The following HS3ST5 variants were observed in gnomAD, a reference collection of about 807,000 sequenced individuals.
The protein encoded by HS3ST5 is heparan sulfate glucosamine 3-O-sulfotransferase 5.
HS3ST5 carries 10 observed loss-of-function variants against 25.4 expected under a neutral mutation model. The ratio of observed to expected loss-of-function variants is 0.39; its 90% confidence interval spans 0.24 to 0.67. HS3ST5 has a LOEUF of 0.67. Ranked by LOEUF, HS3ST5 falls within the 30% of genes least tolerant of loss-of-function variation. HS3ST5 has a pLI of 0.44. For synonymous variants in HS3ST5, 170 were observed against 162.4 expected (o/e 1.05, Z -0.36); for missense variants, 324 against 420.7 (o/e 0.77, Z 2.01).
intron 3 of HS3ST5, among the ~76,000 whole-genome samples, chr6:114,075,297 G>A (rs1774057517): frequency 1.3e-5 from 2 of 152,188 alleles, no homozygotes; most frequent in African/African-American, 2.4e-5. Context: ...CGCTACAAAG[G>A]CAGGATCCGC....
intron 3 of HS3ST5, among the ~76,000 whole-genome samples, chr6:114,163,306 C>T (rs529508237): frequency 3.9e-5 from 6 of 152,158 alleles, no homozygotes; most frequent in African/African-American, 1.2e-4. Flanking sequence ...ACAAACTAGT[C>T]CATATTCGTC....
At chr6:114,230,472 T>C (rs935223079) in intron 1 of HS3ST5, 1 of 152,172 alleles carries the variant, frequency 6.6e-6, no homozygotes, top group South Asian at 2.1e-4. Flanking sequence ...TAAATATTTC[T>C]TCCTTAACTA....
intron 1 of HS3ST5, among the ~76,000 whole-genome samples, chr6:114,251,281 C>T (rs905259974): frequency 6.6e-6 from 1 of 152,080 alleles, no homozygotes; most frequent in Non-Finnish European, 1.5e-5. Flanking sequence ...ATATGTCGAA[C>T]AGATGAAAGA....
At chr6:114,187,221 C>A (rs1180808961) in intron 2 of HS3ST5, among the ~76,000 whole-genome samples, 1 of 152,166 alleles carries the variant, frequency 6.6e-6, no homozygotes, top group Non-Finnish European at 1.5e-5. Context: ...AAATACATTT[C>A]ATAAGGCTAT....
intron 2 of HS3ST5, among the ~76,000 whole-genome samples, chr6:114,226,715 G>A (rs1196669776): frequency 3.9e-5 from 6 of 151,944 alleles, no homozygotes; most frequent in South Asian, 2.1e-4. Flanking sequence ...TGCTTCCTGC[G>A]TATTGAGACT....
chr6:114,100,553 T>C (rs886763641), intron 3 of HS3ST5, among the ~76,000 whole-genome samples: 3 of 152,186 alleles, frequency 2.0e-5, no homozygotes, highest in African/African-American at 7.2e-5. Flanking sequence ...TTTCTTCCTA[T>C]TGGGCTTGAG....
intron 1 of HS3ST5, among the ~76,000 whole-genome samples, chr6:114,320,057 T>C (rs1775902697): frequency 1.3e-5 from 2 of 152,256 alleles, no homozygotes; most frequent in South Asian, 4.1e-4. Flanking sequence ...AACTTGTTAT[T>C]GAATGCATAC....
At chr6:114,327,665 T>C (rs988246845) in intron 1 of HS3ST5, among the ~76,000 whole-genome samples, 5 of 152,182 alleles carry the variant, frequency 3.3e-5, no homozygotes. Flanking sequence ...ACATCATTTT[T>C]TTTTTCAGAC....
At chr6:114,131,247 CA>C (rs1023189385) in intron 3 of HS3ST5, 1 of 149,922 alleles carries the variant, frequency 6.7e-6, no homozygotes, top group African/African-American at 2.5e-5. Context: ...TACAGATTAT[CA>C]AAAGGAAAAA....
At chr6:114,208,773 A>T (rs1781388150) in intron 2 of HS3ST5, among the ~76,000 whole-genome samples, 1 of 152,258 alleles carries the variant, frequency 6.6e-6, no homozygotes, top group African/African-American at 2.4e-5. Context: ...AGCTCTCTCA[A>T]TTTTGAGAAG....
intron 3 of HS3ST5, among the ~76,000 whole-genome samples, chr6:114,082,198 C>G (rs1396644748): frequency 6.6e-6 from 1 of 152,118 alleles, no homozygotes; most frequent in Non-Finnish European, 1.5e-5. Flanking sequence ...CTTCTCATTC[C>G]CAAAGGCAAA....
chr6:114,160,938 A>G (rs1032803555), intron 3 of HS3ST5, among the ~76,000 whole-genome samples: 2 of 152,208 alleles, frequency 1.3e-5, no homozygotes, highest in Non-Finnish European at 2.9e-5. Context: ...AATTGTAATA[A>G]CCTTTCAAAA....
At chr6:114,234,801 A>G (rs1274088853) in intron 1 of HS3ST5, among the ~76,000 whole-genome samples, 2 of 152,120 alleles carry the variant, frequency 1.3e-5, no homozygotes, top group African/African-American at 4.8e-5. Context: ...CCATGCATGA[A>G]AATTGATATA....
chr6:114,066,997 GTCACTCACTCC>G (rs1773489349), intron 3 of HS3ST5, among the ~76,000 whole-genome samples: 1 of 152,158 alleles, frequency 6.6e-6, no homozygotes, highest in Non-Finnish European at 1.5e-5. Flanking sequence ...ACCCTCTTAA[GTCACTCACTCC>G]AGCCTCTGAG....
chr6:114,126,638 G>A lies in HS3ST5; in HGVS notation c.-33+41713C>T, dbSNP rs186736450. ...AGAGCAGGTTCAATAAGTGGCTGTTGTTTTTATTGCTATAAACTGATTCCC... is the reference window on the plus strand; with the variant it reads ...AGAGCAGGTTCAATAAGTGGCTGTTATTTTTATTGCTATAAACTGATTCCC... On this transcript the variant is annotated intron_variant, in intron 3 of 4. Coordinates refer to ENST00000312719, the MANE Select transcript of HS3ST5 (RefSeq NM_153612.4). 6.9e-3 allele frequency among the ~76,000 whole-genome samples: 1,055 copies of A among 152,300 alleles called. 10 individuals are homozygous for A. Among genetic ancestry groups the A allele is most frequent in the African/African-American group, 0.024 (1,006 of 41,580 alleles).
chr6:114,096,943 T>C (rs1775460837), intron 3 of HS3ST5, among the ~76,000 whole-genome samples: 1 of 152,058 alleles, frequency 6.6e-6, no homozygotes, highest in East Asian at 1.9e-4. Context: ...AATGTATTTA[T>C]GGTAAATAAT....
intron 2 of HS3ST5, among the ~76,000 whole-genome samples, chr6:114,205,525 T>C (rs892659884): frequency 4.6e-5 from 7 of 152,184 alleles, no homozygotes; most frequent in Non-Finnish European, 7.3e-5. Flanking sequence ...AAGTTTTTAA[T>C]TGAAGTTACA....
At chr6:114,177,285 C>T (rs142266243) in intron 2 of HS3ST5, among the ~76,000 whole-genome samples, 431 of 152,274 alleles carry the variant, frequency 2.8e-3, no homozygotes, top group South Asian at 7.5e-3. Context: ...ACATACATTA[C>T]GATAGCCATA....
chr6:114,091,100 A>G (rs1562193042), intron 3 of HS3ST5, among the ~76,000 whole-genome samples: 1 of 152,136 alleles, frequency 6.6e-6, no homozygotes, highest in African/African-American at 2.4e-5. Context: ...TTATTTTCCA[A>G]TTCTTTGGGG....
Sources: gnomAD v4.1 joint callset for allele counts (sites outside exome capture counted in the v4.1 genomes callset) on GRCh38, gnomAD v4.1.1 for gene constraint, MANE v1.5 for transcripts, NCBI Gene and HGNC (gene_info 2026-07-23, HGNC 2026-07-21) for gene names.